Variants in NRXN3 observed in about 807,000 individuals in gnomAD.
NRXN3 encodes the protein neurexin III.
In NRXN3, 32 loss-of-function variants were observed where a neutral mutation model predicts 137.6. The ratio of observed to expected loss-of-function variants is 0.23; its 90% CI spans 0.18 to 0.31. The LOEUF is 0.31. Ranked by LOEUF, NRXN3 falls within the 10% of genes least tolerant of loss-of-function variation. The pLI is 1.00. For missense variants in NRXN3, 1,574 were observed against 2,062.5 expected, an observed-to-expected ratio of 0.76 and a Z score of 4.59; for synonymous variants, 798 against 784.5, an observed-to-expected ratio of 1.02 and a Z score of -0.29.
At chr14:78,578,119 G>T (rs1376641083) in intron 4 of NRXN3, among the ~76,000 whole-genome samples, 1 of 152,054 alleles carries the variant, frequency 6.6e-6, no homozygotes, top group Non-Finnish European at 1.5e-5. Flanking sequence ...TTTGACAAAT[G>T]GTTCAGGTAA....
chr14:78,887,376 T>C (rs1405965156), intron 10 of NRXN3, among the ~76,000 whole-genome samples: 3 of 152,052 alleles, frequency 2.0e-5, no homozygotes, highest in Admixed American at 2.0e-4. Flanking sequence ...TATCTTTCTT[T>C]TTTTTTCTGG....
intron 10 of NRXN3, among the ~76,000 whole-genome samples, chr14:78,906,360 A>G (rs1048720794): frequency 6.6e-6 from 1 of 152,000 alleles, no homozygotes; most frequent in Non-Finnish European, 1.5e-5. Context: ...TCCCATATCT[A>G]CTTCCTCTGT....
chr14:79,427,158 A>G lies in NRXN3; in HGVS notation c.3263-40063A>G, dbSNP rs141201584. Among the ~76,000 whole-genome samples, 347 of 152,286 alleles carry G rather than the reference A, an allele frequency of 2.3e-3. 1 individual carries two copies. The highest frequency in any genetic ancestry group is 8.1e-3 in the African/African-American group (335 of 41,558). On this transcript the variant is annotated intron_variant, in intron 15 of 20. Transcript: ENST00000335750. ...TTTTAAGAGGCGTGTTTCAACTAAC[A>G]GGAGGAGAGATGCAAAGAGCTTTCA...
At chr14:79,110,892 G>A (rs965345984) in intron 15 of NRXN3, among the ~76,000 whole-genome samples, 2 of 151,962 alleles carry the variant, frequency 1.3e-5, no homozygotes, top group African/African-American at 2.4e-5. Flanking sequence ...CCAGGTTCAT[G>A]CCATTCTCCT....
chr14:78,788,623 T>C (rs893365801), intron 8 of NRXN3, among the ~76,000 whole-genome samples: 3 of 152,208 alleles, frequency 2.0e-5, no homozygotes, highest in Non-Finnish European at 2.9e-5. Flanking sequence ...ACTCTAGCAA[T>C]TGGCCCTCCC....
chr14:78,417,904 A>G (rs890314707), intron 4 of NRXN3, among the ~76,000 whole-genome samples: 4 of 152,154 alleles, frequency 2.6e-5, no homozygotes, highest in South Asian at 2.1e-4. Flanking sequence ...TTACAGGTGC[A>G]TGCCACCACG....
Position 79,162,487 on chromosome 14 carries a change from G to A in NRXN3, c.3262+174346G>A, listed in dbSNP as rs369953524. Among the ~76,000 whole-genome samples the A allele has an allele frequency of 7.9e-5, 12 of 151,788 alleles. 1 individual carries two copies. The highest frequency in any genetic ancestry group is 7.9e-4 in the East Asian group (4 of 5,094). On this transcript the variant is annotated intron_variant, in intron 15 of 20. Coordinates refer to ENST00000335750, the MANE Select transcript of NRXN3 (RefSeq NM_001330195.2). ...GGACGTGAACTCATCATTTTTTATG[G>A]CTGCATAGTATTCCATGGTGTATAT...
At chr14:79,639,262 A>G (rs967153023) in intron 16 of NRXN3, among the ~76,000 whole-genome samples, 16 of 152,166 alleles carry the variant, frequency 1.1e-4, no homozygotes, top group African/African-American at 3.1e-4. Context: ...GTTTTGATAT[A>G]TAGGTAAACT....
At chr14:79,519,636 G>C (rs2097038660) in intron 16 of NRXN3, among the ~76,000 whole-genome samples, 1 of 151,920 alleles carries the variant, frequency 6.6e-6, no homozygotes, top group Admixed American at 6.6e-5. Flanking sequence ...CTGCAAAATG[G>C]GCTGTATTAC....
intron 19 of NRXN3, among the ~76,000 whole-genome samples, chr14:79,756,392 T>C (rs995983893): frequency 7.9e-5 from 12 of 152,228 alleles, no homozygotes; most frequent in Non-Finnish European, 1.2e-4. Context: ...GAAGCGTGAT[T>C]ATTTTGCTTT....
intron 7 of NRXN3, among the ~76,000 whole-genome samples, chr14:78,714,475 G>T (rs2098422738): frequency 6.6e-6 from 1 of 152,142 alleles, no homozygotes; most frequent in Non-Finnish European, 1.5e-5. Context: ...CTCTCAACCT[G>T]TATGGTCTCA....
chr14:78,589,355 T>G (rs145839402), intron 4 of NRXN3, among the ~76,000 whole-genome samples: 19 of 152,240 alleles, frequency 1.2e-4, no homozygotes, highest in African/African-American at 4.3e-4. Context: ...CAGCTACTGT[T>G]CCTGAAGGAC....
intron 4 of NRXN3, among the ~76,000 whole-genome samples, chr14:78,528,478 C>A (rs2096412663): frequency 1.3e-5 from 2 of 152,090 alleles, no homozygotes; most frequent in South Asian, 4.1e-4. Context: ...TGATTTTCCC[C>A]ACAACTGTGT....
At chr14:79,119,721 C>A (rs2055087894) in intron 15 of NRXN3, among the ~76,000 whole-genome samples, 1 of 152,126 alleles carries the variant, frequency 6.6e-6, no homozygotes, top group Non-Finnish European at 1.5e-5. Flanking sequence ...CTAGACCAAG[C>A]CTGTCTGCTC....
intron 15 of NRXN3, among the ~76,000 whole-genome samples, chr14:79,196,197 A>G (rs1258128306): frequency 1.3e-5 from 2 of 152,230 alleles, no homozygotes; most frequent in Non-Finnish European, 2.9e-5. Flanking sequence ...GATAGCCTGG[A>G]TCACATCTAT....
chr14:78,233,826 T>A (rs1398903521), intron 1 of NRXN3, among the ~76,000 whole-genome samples: 1 of 152,104 alleles, frequency 6.6e-6, no homozygotes, highest in African/African-American at 2.4e-5. Flanking sequence ...ACTCTCCACA[T>A]TGTCTGTGAC....
chr14:79,821,967 A>G (rs1177470316), intron 20 of NRXN3, among the ~76,000 whole-genome samples: 1 of 152,164 alleles, frequency 6.6e-6, no homozygotes, highest in African/African-American at 2.4e-5. Context: ...GATAACATCC[A>G]ACAGAGAATT....
At chr14:79,124,754 C>T (rs1379731799) in intron 15 of NRXN3, among the ~76,000 whole-genome samples, 1 of 152,130 alleles carries the variant, frequency 6.6e-6, no homozygotes. Flanking sequence ...TGGAACATGA[C>T]TCTAGAGGTA....
chr14:79,476,249 T>G (rs953240879), intron 16 of NRXN3, among the ~76,000 whole-genome samples: 1 of 152,100 alleles, frequency 6.6e-6, no homozygotes, highest in Non-Finnish European at 1.5e-5. Flanking sequence ...TAGATCCTGG[T>G]GCTGTCACTG....
Sources: gnomAD v4.1 joint callset for allele counts (sites outside exome capture counted in the v4.1 genomes callset) on GRCh38, gnomAD v4.1.1 for gene constraint, MANE v1.5 for transcripts, NCBI Gene and HGNC (gene_info 2026-07-23, HGNC 2026-07-21) for gene names.